RS1: variants seen among roughly 807,000 people sequenced by gnomAD.
RS1 encodes the protein retinoschisin.
RS1 carries 2 observed loss-of-function variants against 20.8 expected under a neutral mutation model. That is an observed-to-expected ratio of 0.10 (90% CI 0.04 to 0.30). The LOEUF is 0.30. Among genes scored for constraint, RS1 ranks in the 10% least tolerant of loss-of-function variants. The pLI is 1.00. For missense variants in RS1, 151 were observed against 189.8 expected (o/e 0.80, Z 1.20); for synonymous variants, 70 against 75.8 (o/e 0.92, Z 0.40).
At chrX:18,655,429 T>C (rs781088273) in intron 3 of RS1, among the ~76,000 whole-genome samples, 356 of 112,105 alleles carry the variant, frequency 3.2e-3, no homozygotes, top group Non-Finnish European at 5.9e-3. Context: ...ATATTTCCTC[T>C]CTCCTCCTTT....
chrX:18,657,730 G>A (rs186037509), intron 1 of RS1, 65 bp from the exon 2 acceptor site: 5 of 905,111 alleles, frequency 5.5e-6, no homozygotes, highest in Admixed American at 4.4e-5. Flanking sequence ...AGCATCACTC[G>A]TTACATGGAA....
In RS1 at chrX:18,647,322, AT is replaced by A. The variant is rs62645893; in HGVS notation, c.194del (p.Tyr65PhefsTer61). On this transcript the variant is annotated frameshift_variant, in exon 4 of 6. Transcript: ENST00000379984. LOFTEE classifies it high-confidence loss of function. ...CTGACTCGAAACCCAGAGGCTTGTG[AT>A]ATGGGCATTCTGGGAAAGGAAAAAG... ...TSLDCIPECPYHKPLGFESGE... is the reference protein window; with the variant it reads ...TSLDCIPECPXHKPLGFESGE... The A allele has an allele frequency of 8.3e-7, 1 of 1,210,797 alleles. No homozygotes were observed. The highest frequency in any genetic ancestry group is 1.1e-6 in the Non-Finnish European group (1 of 895,078).
rs568161022 is a variant in RS1, at chrX:18,646,049, C to T, written c.326+1142G>A. ...AGAAGACAGAGACACCATTCTGGAC[C>T]CCAAGATAGACGCTTCATGTTAAGG... On this transcript the variant is annotated intron_variant, in intron 4 of 5. Coordinates refer to ENST00000379984, the MANE Select transcript of RS1 (RefSeq NM_000330.4). 9 of 1,210,189 alleles carry T rather than the reference C, an allele frequency of 7.4e-6. No individual in the cohort carries two copies. In the African/African-American group the frequency reaches 1.0e-4, roughly 14 times the overall value.
intron 5 of RS1, among the ~76,000 whole-genome samples, chrX:18,644,064 G>A (rs911504730): frequency 9.0e-6 from 1 of 111,385 alleles, no homozygotes; most frequent in Non-Finnish European, 1.9e-5. Context: ...CTATATAAAT[G>A]GATGATTCTC....
At chrX:18,648,082 A>G (rs183569290) in intron 3 of RS1, among the ~76,000 whole-genome samples, 330 of 110,826 alleles carry the variant, frequency 3.0e-3, no homozygotes, top group African/African-American at 7.2e-3. Flanking sequence ...CATGCCTGTA[A>G]TCCCAGCTAC....
intron 1 of RS1, among the ~76,000 whole-genome samples, chrX:18,665,883 CAA>C (rs55857132): frequency 0.019 from 650 of 34,879 alleles, 6 homozygotes; most frequent in African/African-American, 0.049. Context: ...GACCCTGTCT[CAA>C]AAAAAAAAAA....
At chrX:18,663,074 C>A (rs1216200626) in intron 1 of RS1, among the ~76,000 whole-genome samples, 1 of 86,530 alleles carries the variant, frequency 1.2e-5, no homozygotes, top group Non-Finnish European at 2.1e-5. Context: ...GAGTTTCACT[C>A]GTTGCCCAGG....
At chrX:18,658,162 T>C (rs897790243) in intron 1 of RS1, among the ~76,000 whole-genome samples, 1 of 111,140 alleles carries the variant, frequency 9.0e-6, no homozygotes, top group Non-Finnish European at 1.9e-5. Context: ...AGAGTAAGAC[T>C]CTGTCTCAAA....
intron 1 of RS1, among the ~76,000 whole-genome samples, chrX:18,662,314 T>G (rs1928325586): frequency 8.9e-6 from 1 of 112,396 alleles, no homozygotes; most frequent in Non-Finnish European, 1.9e-5. Flanking sequence ...AAAAAAATTA[T>G]TATTATACTT....
chrX:18,669,492 A>AAAAAAAAAAAAAAAAC (rs1928458000), intron 1 of RS1, among the ~76,000 whole-genome samples: 1 of 107,081 alleles, frequency 9.3e-6, no homozygotes, highest in Non-Finnish European at 1.9e-5. Flanking sequence ...ATTCTCAAAA[A>AAAAAAAAAAAAAAAAC]AAAAAAAAAA....
chrX:18,668,423 T>C (rs1240148316), intron 1 of RS1, among the ~76,000 whole-genome samples: 3 of 112,634 alleles, frequency 2.7e-5, no homozygotes, highest in Non-Finnish European at 5.6e-5. Flanking sequence ...TAGTTTAGTC[T>C]CTTGGATTGG....
intron 4 of RS1, among the ~76,000 whole-genome samples, chrX:18,645,658 C>T (rs1927742276): frequency 9.0e-6 from 1 of 111,409 alleles, no homozygotes; most frequent in African/African-American, 3.3e-5. Context: ...CACACCTCAA[C>T]TACTCTCCCT....
rs1235132590 is a variant in RS1, at chrX:18,639,705, TAGC to T, written c.*2296_*2298del. 8.9e-6 allele frequency among the ~76,000 whole-genome samples: 1 copy of T among 112,250 alleles called. No individual in the cohort carries two copies. Among genetic ancestry groups the T allele is most frequent in the African/African-American group, 3.2e-5 (1 of 30,847 alleles). On this transcript the variant is annotated 3_prime_UTR_variant, in exon 6 of 6. Transcript: ENST00000379984. ...ACAAAAACTTATACACAAATGTTCATAGCAGCATTATTCATAATAGCTAAAGAG... is the reference window on the plus strand; with the variant it reads ...ACAAAAACTTATACACAAATGTTCATAGCATTATTCATAATAGCTAAAGAG...
At chrX:18,668,452 C>T (rs1030520788) in intron 1 of RS1, among the ~76,000 whole-genome samples, 1 of 112,785 alleles carries the variant, frequency 8.9e-6, no homozygotes, top group Non-Finnish European at 1.9e-5. Context: ...AACCATAGAG[C>T]GTTCCTTCCC....
At chrX:18,644,318 A>G (rs972618041) in intron 5 of RS1, 112 bp downstream of exon 5, 3 of 667,709 alleles carry the variant, frequency 4.5e-6, no homozygotes, top group African/African-American at 4.3e-5. Context: ...CAGATGATCC[A>G]CTGTGCTGTG....
chrX:18,666,712 C>G (rs1265700663), intron 1 of RS1, among the ~76,000 whole-genome samples: 2 of 110,834 alleles, frequency 1.8e-5, no homozygotes, highest in Non-Finnish European at 3.8e-5. Context: ...AGGGTGGTGG[C>G]AGTGGAAGTG....
Position 18,655,238 on chromosome X carries a change from G to A in RS1, c.184+1415C>T, listed in dbSNP as rs145567294. Among the ~76,000 whole-genome samples the A allele has an allele frequency of 2.0e-3, 229 of 111,941 alleles. 1 individual carries two copies. Among genetic ancestry groups the A allele is most frequent in the Middle Eastern group, 9.2e-3 (2 of 218 alleles). On this transcript the variant is annotated intron_variant, in intron 3 of 5. Coordinates refer to ENST00000379984, the MANE Select transcript of RS1 (RefSeq NM_000330.4). ...TTATTTATTCCTTGTTGACAACCCCGTAGAGCAGAGGTCAACAAACTATGA... is the reference window on the plus strand; with the variant it reads ...TTATTTATTCCTTGTTGACAACCCCATAGAGCAGAGGTCAACAAACTATGA...
At chrX:18,671,974 G>A (rs1414220483) in intron 1 of RS1, 43 bp downstream of exon 1, 1 of 1,038,986 alleles carries the variant, frequency 9.6e-7, no homozygotes. Flanking sequence ...ATTAAATTAT[G>A]TATTAAGTAT....
At chrX:18,648,250 T>G (rs1927872857) in intron 3 of RS1, among the ~76,000 whole-genome samples, 1 of 110,273 alleles carries the variant, frequency 9.1e-6, no homozygotes, top group Non-Finnish European at 1.9e-5. Flanking sequence ...CTTCTCCTTT[T>G]TTTTTTCTTT....
Sources: gnomAD v4.1 joint callset for allele counts (sites outside exome capture counted in the v4.1 genomes callset) on GRCh38, gnomAD v4.1.1 for gene constraint, MANE v1.5 for transcripts, NCBI Gene and HGNC (gene_info 2026-07-23, HGNC 2026-07-21) for gene names.